BMAL1: variants seen among roughly 807,000 people sequenced by gnomAD.
The protein encoded by BMAL1 is basic helix-loop-helix ARNT like 1, also known as basic helix-loop-helix ARNT-like protein 1.
chr11:13,360,212 A>T, the BMAL1 span: 1 of 691,848 alleles, frequency 1.4e-6, no homozygotes, highest in Non-Finnish European at 2.4e-6. Flanking sequence ...CATCTCAGTT[A>T]AGGCCTAAAC....
At chr11:13,363,686 A>G in the BMAL1 span, among the ~76,000 whole-genome samples, 8 of 152,234 alleles carry the variant, frequency 5.3e-5, no homozygotes, top group African/African-American at 1.7e-4. Context: ...TCAGTTTACA[A>G]TGTCTACGTT....
chr11:13,277,967 C>A, the BMAL1 span: 1 of 151,330 alleles, frequency 6.6e-6, no homozygotes, highest in Non-Finnish European at 1.5e-5. Context: ...ATCCCGCGCA[C>A]CCCGTCGGGG....
At chr11:13,289,881 C>A in the BMAL1 span, among the ~76,000 whole-genome samples, 1 of 152,166 alleles carries the variant, frequency 6.6e-6, no homozygotes, top group Non-Finnish European at 1.5e-5. Flanking sequence ...GATTTATAAT[C>A]CTTTGGGTAT....
chr11:13,370,290 C>T, the BMAL1 span, among the ~76,000 whole-genome samples: 1 of 152,150 alleles, frequency 6.6e-6, no homozygotes, highest in Admixed American at 6.5e-5. Flanking sequence ...TGCAGTCTCT[C>T]TCTGTTGGTC....
At chr11:13,377,634 C>G in the BMAL1 span, among the ~76,000 whole-genome samples, 70 of 152,320 alleles carry the variant, frequency 4.6e-4, no homozygotes, top group African/African-American at 1.5e-3. Flanking sequence ...TCCTTTGGTA[C>G]TCCTCATTCC....
chr11:13,284,195 TGTGTATATATATATG>T, the BMAL1 span, among the ~76,000 whole-genome samples: 2 of 42,030 alleles, frequency 4.8e-5, no homozygotes, highest in African/African-American at 1.5e-4. Flanking sequence ...TATATATATG[TGTGTATATATATATG>T]TGTATATATA....
At chr11:13,334,079 A>G in the BMAL1 span, among the ~76,000 whole-genome samples, 1 of 152,142 alleles carries the variant, frequency 6.6e-6, no homozygotes, top group Admixed American at 6.5e-5. Flanking sequence ...TTTATGACTC[A>G]AAATCACCAT....
chr11:13,361,749 A>G, the BMAL1 span, among the ~76,000 whole-genome samples: 20 of 152,288 alleles, frequency 1.3e-4, no homozygotes, highest in Middle Eastern at 0.014. Context: ...AATGAGGTCA[A>G]TAGGAACCAG....
At chr11:13,305,818 T>C in the BMAL1 span, among the ~76,000 whole-genome samples, 1 of 152,302 alleles carries the variant, frequency 6.6e-6, no homozygotes, top group Admixed American at 6.5e-5. Context: ...GTGTGATGTT[T>C]GGCTGAAATA....
the BMAL1 span, chr11:13,386,480 T>A: frequency 8.8e-7 from 1 of 1,136,906 alleles, no homozygotes; most frequent in South Asian, 2.1e-5. Flanking sequence ...AAAAGCAGCA[T>A]CTCACCCTAC....
chr11:13,296,461 C>T, the BMAL1 span, among the ~76,000 whole-genome samples: 1 of 152,220 alleles, frequency 6.6e-6, no homozygotes, highest in Non-Finnish European at 1.5e-5. Context: ...CTTGAATACT[C>T]CTTCCAGTCC....
chr11:13,283,875 C>T, the BMAL1 span, among the ~76,000 whole-genome samples: 3 of 151,970 alleles, frequency 2.0e-5, no homozygotes, highest in African/African-American at 7.3e-5. Flanking sequence ...CCCAGGCCCC[C>T]TGTGGCTCAG....
chr11:13,371,520 T>G, the BMAL1 span, among the ~76,000 whole-genome samples: 2 of 152,202 alleles, frequency 1.3e-5, no homozygotes, highest in Non-Finnish European at 2.9e-5. Flanking sequence ...TCAGCCTTCC[T>G]ACTTCTGTTT....
the BMAL1 span, among the ~76,000 whole-genome samples, chr11:13,382,670 G>C: frequency 6.6e-6 from 1 of 152,124 alleles, no homozygotes; most frequent in African/African-American, 2.4e-5. Context: ...CTTGACTCCT[G>C]GTATTACCAA....
the BMAL1 span, among the ~76,000 whole-genome samples, chr11:13,287,292 C>T: frequency 6.6e-6 from 1 of 152,192 alleles, no homozygotes; most frequent in Non-Finnish European, 1.5e-5. Context: ...GCACTTTTAG[C>T]TCTGCCTCTA....
At chr11:13,357,204 C>CT in the BMAL1 span, 1 of 1,476,446 alleles carries the variant, frequency 6.8e-7, no homozygotes, top group East Asian at 2.4e-5. This position sits in a 1 kb window ranked among gnomAD's most constrained non-coding sequence, Gnocchi z 4.8. Flanking sequence ...CTGTTGGGCA[C>CT]TGTCACCTCC....
chr11:13,339,983 A>G, the BMAL1 span, among the ~76,000 whole-genome samples: 3 of 152,208 alleles, frequency 2.0e-5, no homozygotes, highest in African/African-American at 7.2e-5. Context: ...GAGACTAATA[A>G]GTGATCGTGG....
At chr11:13,358,678 T>C in the BMAL1 span, 1 of 1,315,154 alleles carries the variant, frequency 7.6e-7, no homozygotes, top group Non-Finnish European at 9.9e-7. Context: ...CTAAGGCAGA[T>C]GTTTATTACT....
At chr11:13,330,847 G>A in the BMAL1 span, among the ~76,000 whole-genome samples, 39,099 of 152,118 alleles carry the variant, frequency 0.26, 5,202 homozygotes, top group East Asian at 0.45. Flanking sequence ...GTGATATCTC[G>A]CTGAGCCTAA....
Sources: gnomAD v4.1 joint callset for allele counts (sites outside exome capture counted in the v4.1 genomes callset) on GRCh38, gnomAD v4.1.1 for gene constraint, Gnocchi (gnomAD v3.1) non-coding constraint, MANE v1.5 for transcripts, NCBI Gene and HGNC (gene_info 2026-07-23, HGNC 2026-07-21) for gene names.